STMN1: variants seen among roughly 807,000 people sequenced by gnomAD.
The protein encoded by STMN1 is stathmin 1, also known as stathmin.
A neutral mutation model predicts 19.7 loss-of-function variants in STMN1; 3 were observed. The ratio of observed to expected loss-of-function variants is 0.15; its 90% CI spans 0.07 to 0.39. The LOEUF (loss-of-function observed/expected upper bound fraction) is 0.39, where lower values mean the gene tolerates loss of function less well. Among genes scored for constraint, STMN1 ranks in the 10% least tolerant of loss-of-function variants. STMN1 has a pLI of 1.00. For missense variants in STMN1, 99 were observed against 176.0 expected, an observed-to-expected ratio of 0.56 and a Z score of 2.48; for synonymous variants, 59 against 58.9, an observed-to-expected ratio of 1.00 and a Z score of -0.01.
rs2048854935 is a variant in STMN1 at position 25,900,180 on chromosome 1, G to C, written c.*836C>G. The C allele has an allele frequency of 1.0e-6, 1 of 985,860 alleles. No individual in the cohort carries two copies. Among genetic ancestry groups the C allele is most frequent in the Non-Finnish European group, 1.2e-6 (1 of 829,930 alleles). The allele number at this position is 985,860 out of a possible 1,614,324, so 61.1% of individuals were successfully genotyped here. On this transcript the variant is annotated 3_prime_UTR_variant, in exon 5 of 5. Transcript: ENST00000455785. ...TCTCGTGTCATAGCTTTTATGGCAG[G>C]AAAGGATGAGGACATGCCCCACCTG...
In STMN1 at chr1:25,903,961, A is replaced by G. The variant is rs1032128217; in HGVS notation, c.14-148T>C. The G allele has an allele frequency of 6.4e-6, 5 of 777,730 alleles. 1 individual carries two copies. The East Asian group carries it at 1.1e-4, about 17-fold the overall frequency. The allele number at this position is 777,730 out of a possible 1,614,324, so 48.2% of individuals were successfully genotyped here. Reference sequence around the variant, plus strand: ...TGTTTTTTTTCCCCTTTTTATTCCTATCAGTCTACTGACACTAGGGGAAGA... The same window carrying G: ...TGTTTTTTTTCCCCTTTTTATTCCTGTCAGTCTACTGACACTAGGGGAAGA... On this transcript the variant is annotated intron_variant, in intron 2 of 4. Transcript: ENST00000455785.
intron 4 of STMN1, among the ~76,000 whole-genome samples, chr1:25,894,613 G>A (rs931860446): frequency 6.6e-6 from 1 of 152,178 alleles, no homozygotes; most frequent in Non-Finnish European, 1.5e-5. Flanking sequence ...CAAGGATGTT[G>A]AGGCTGCAGT....
chr1:25,893,456 C>T (rs1383724681), intron 4 of STMN1, among the ~76,000 whole-genome samples: 1 of 152,226 alleles, frequency 6.6e-6, no homozygotes, highest in African/African-American at 2.4e-5. Flanking sequence ...CCCCAAGCAG[C>T]TCAGGGCAGG....
At chr1:25,888,986 C>T in intron 4 of STMN1, 2 of 480,346 alleles carry the variant, frequency 4.2e-6, no homozygotes, top group African/African-American at 2.0e-5. Flanking sequence ...TCTCACAAGA[C>T]TTCCTGGTCA....
downstream of STMN1, chr1:25,900,056 C>G: frequency 2.0e-6 from 2 of 983,722 alleles, no homozygotes; most frequent in Non-Finnish European, 2.4e-6. Context: ...CAACCTTAAC[C>G]ACCCGAGTCA....
intron 4 of STMN1, among the ~76,000 whole-genome samples, chr1:25,890,736 A>T (rs1167267470): frequency 1.3e-5 from 2 of 152,124 alleles, no homozygotes; most frequent in African/African-American, 2.4e-5. Flanking sequence ...GCCAGGGTCT[A>T]CGGGACACAC....
Position 25,900,236 on chromosome 1 carries a change from A to G in STMN1, c.*780T>C. ...TAGAGCAAGCAAACCACCAAGTAGA[A>G]TCTTGAGATTCTCTCTCAACTGTTC... On this transcript the variant is annotated 3_prime_UTR_variant, in exon 5 of 5. Coordinates refer to ENST00000455785, the MANE Select transcript of STMN1 (RefSeq NM_005563.4). 6 of 985,876 alleles carry G rather than the reference A, an allele frequency of 6.1e-6. No individual in the cohort carries two copies. Among genetic ancestry groups the G allele is most frequent in the Non-Finnish European group, 7.2e-6 (6 of 829,934 alleles). 61.1% of individuals were successfully genotyped at this position (985,876 alleles called of 1,614,324 possible).
At chr1:25,887,970 C>G (rs918107238) in intron 4 of STMN1, among the ~76,000 whole-genome samples, 5 of 152,198 alleles carry the variant, frequency 3.3e-5, no homozygotes, top group Non-Finnish European at 7.3e-5. Flanking sequence ...CAGGCGTGAG[C>G]CACCGTGCCC....
chr1:25,885,940 T>C lies in STMN1; in HGVS notation c.379-71A>G, dbSNP rs74060884. On this transcript the variant is annotated intron_variant, in intron 4 of 4. Coordinates refer to the STMN1 transcript ENST00000426559. ...CAAGGGACAGGAGGTGGAGGGGCCC[T>C]TCATCAGGGCTAAAACAGTGGTTCT... The C allele has an allele frequency of 5.8e-3, 8,473 of 1,462,576 alleles. 393 individuals are homozygous for C. The African/African-American group carries it at 0.1, about 18-fold the overall frequency. The allele number at this position is 1,462,576 out of a possible 1,614,324, so 90.6% of individuals were successfully genotyped here.
At chr1:25,885,433 G>T, downstream of STMN1, 1 of 246,190 alleles carries the variant, frequency 4.1e-6, no homozygotes. Flanking sequence ...ATCAAGGCAA[G>T]AGTGGTCTGC....
chr1:25,885,727 T>C, exon 5 of STMN1: 1 of 1,550,454 alleles, frequency 6.4e-7, no homozygotes, highest in South Asian at 1.2e-5. Flanking sequence ...AAGTACCTAG[T>C]GATGGTGAGA....
At chr1:25,895,562 A>G (rs2048812288), downstream of STMN1, among the ~76,000 whole-genome samples, 3 of 152,206 alleles carry the variant, frequency 2.0e-5, no homozygotes, top group Admixed American at 2.0e-4. Context: ...GGAGAGCTGC[A>G]GAACACAAGT....
chr1:25,894,837 G>C (rs147808022), intron 4 of STMN1, among the ~76,000 whole-genome samples: 1 of 152,170 alleles, frequency 6.6e-6, no homozygotes, highest in Non-Finnish European at 1.5e-5. Flanking sequence ...CTCCCAAAGT[G>C]CTGGGATTAC....
exon 5 of STMN1, chr1:25,885,481 A>G (rs922621700): frequency 1.5e-5 from 6 of 387,810 alleles, no homozygotes; most frequent in Admixed American, 9.0e-5. Flanking sequence ...TGGGCCCTCT[A>G]CGTTGGCAGT....
chr1:25,901,155 A>ACC, intron 4 of STMN1, 68 bp from the exon 5 acceptor site: 3 of 1,560,132 alleles, frequency 1.9e-6, no homozygotes, highest in Non-Finnish European at 2.6e-6. Flanking sequence ...TCAAGTCACG[A>ACC]CCCCCAGCCC....
At position 25,901,277 on chromosome 1, in the gene STMN1, CTAACA is replaced by C. The variant is rs747831088; in HGVS notation, c.379-195_379-191del. The C allele has an allele frequency of 1.8e-3, 2,166 of 1,214,568 alleles. 4 individuals are homozygous for C. Among genetic ancestry groups the C allele is most frequent in the Middle Eastern group, 0.012 (42 of 3,502 alleles). 75.2% of individuals were successfully genotyped at this position (1,214,568 alleles called of 1,614,324 possible). ...AAATCTCCTGGGTCCCTTGTAGAAC[CTAACA>C]AGCTGCCTACTGGACTTCCAAGGAC... On this transcript the variant is annotated intron_variant, in intron 4 of 4. Transcript: ENST00000455785.
chr1:25,898,379 CA>C (rs768460358), downstream of STMN1, among the ~76,000 whole-genome samples: 3 of 152,306 alleles, frequency 2.0e-5, no homozygotes, highest in Non-Finnish European at 4.4e-5. Flanking sequence ...CTCCTTTCAC[CA>C]AAGCACTAAA....
At chr1:25,892,715 C>T (rs1241280283) in intron 4 of STMN1, 13 of 422,398 alleles carry the variant, frequency 3.1e-5, no homozygotes, top group Non-Finnish European at 4.1e-5. Context: ...CCCGGGCACA[C>T]GGGACAGCAC....
At chr1:25,906,724 G>C (rs1398880881), upstream of STMN1, 4 of 152,458 alleles carry the variant, frequency 2.6e-5, no homozygotes, top group African/African-American at 9.7e-5. The surrounding 1 kb of genome is among the most constrained non-coding windows in gnomAD (Gnocchi z 4.5). Context: ...GTCCGAACCA[G>C]CTCCCCATTC....
Sources: gnomAD v4.1 joint callset for allele counts (sites outside exome capture counted in the v4.1 genomes callset) on GRCh38, gnomAD v4.1.1 for gene constraint, Gnocchi (gnomAD v3.1) non-coding constraint, MANE v1.5 for transcripts, NCBI Gene and HGNC (gene_info 2026-07-23, HGNC 2026-07-21) for gene names.